Variants in SDK1 observed in about 807,000 individuals in gnomAD.
SDK1 encodes sidekick cell adhesion molecule 1.
In SDK1, 157 loss-of-function variants were observed where a neutral mutation model predicts 245.5. The ratio of observed to expected loss-of-function variants is 0.64; its 90% confidence interval spans 0.56 to 0.73. The LOEUF (loss-of-function observed/expected upper bound fraction) is 0.73, where lower values mean the gene tolerates loss of function less well. Ranked by LOEUF, SDK1 falls within the 30% of genes least tolerant of loss-of-function variation. The probability of loss-of-function intolerance (pLI) is 0.00; values close to 1 mark genes in which losing one functional copy is unlikely to be tolerated. For synonymous variants in SDK1, 1,647 were observed against 1,278.5 expected, an observed-to-expected ratio of 1.29 and a Z score of -6.15; for missense variants, 3,583 against 3,002.3, an observed-to-expected ratio of 1.19 and a Z score of -4.52.
intron 35 of SDK1, among the ~76,000 whole-genome samples, chr7:4,191,922 C>A (rs1004557396): frequency 6.6e-6 from 1 of 152,240 alleles, no homozygotes; most frequent in African/African-American, 2.4e-5. Context: ...TGCACCAGAA[C>A]AGCAGATTTG....
At chr7:4,152,773 C>G (rs1240242161) in intron 30 of SDK1, among the ~76,000 whole-genome samples, 7 of 152,254 alleles carry the variant, frequency 4.6e-5, no homozygotes, top group Admixed American at 4.6e-4. Context: ...ATTTTACTTT[C>G]ACCAGTTGTG....
At chr7:4,001,790 C>T (rs1044056757) in intron 14 of SDK1, among the ~76,000 whole-genome samples, 5 of 152,216 alleles carry the variant, frequency 3.3e-5, no homozygotes, top group Non-Finnish European at 7.3e-5. Flanking sequence ...TCCCCCTGTT[C>T]TATGAAGTCT....
At chr7:4,083,299 C>G (rs1417952923) in intron 22 of SDK1, among the ~76,000 whole-genome samples, 1 of 151,988 alleles carries the variant, frequency 6.6e-6, no homozygotes, top group Non-Finnish European at 1.5e-5. Flanking sequence ...CACTCATCTG[C>G]TTCCTGTCAC....
chr7:3,469,333 A>T (rs893432212), intron 1 of SDK1, among the ~76,000 whole-genome samples: 1 of 152,198 alleles, frequency 6.6e-6, no homozygotes, highest in South Asian at 2.1e-4. Context: ...TGGGAGGCTG[A>T]GGCAGGAGGA....
chr7:3,627,504 G>A (rs1782157245), intron 2 of SDK1, among the ~76,000 whole-genome samples: 1 of 152,214 alleles, frequency 6.6e-6, no homozygotes, highest in Non-Finnish European at 1.5e-5. Flanking sequence ...ATTAGGAAGA[G>A]TCACTGCATG....
Position 3,624,348 on chromosome 7 carries a change from A to G in SDK1, c.458+5109A>G, listed in dbSNP as rs141045438. Among the ~76,000 whole-genome samples the G allele has an allele frequency of 4.5e-3, 683 of 152,222 alleles. 9 individuals carry two copies. Among genetic ancestry groups the G allele is most frequent in the African/African-American group, 0.015 (643 of 41,548 alleles). ...TCAAGTAGCTGGGACCATGGGACCC[A>G]CCAGCACACCTGGCTAAGTTTTCTA... On this transcript the variant is annotated intron_variant, in intron 2 of 44. Coordinates refer to ENST00000404826, the MANE Select transcript of SDK1 (RefSeq NM_152744.4).
chr7:4,206,398 C>T (rs1443964024), intron 36 of SDK1, among the ~76,000 whole-genome samples: 5 of 152,190 alleles, frequency 3.3e-5, no homozygotes, highest in Non-Finnish European at 7.3e-5. Flanking sequence ...CCCATCCCAG[C>T]TCCCCCCTTG....
At chr7:4,078,375 G>A (rs566312412) in intron 21 of SDK1, among the ~76,000 whole-genome samples, 1 of 152,146 alleles carries the variant, frequency 6.6e-6, no homozygotes, top group Non-Finnish European at 1.5e-5. Flanking sequence ...CTGAGAAATA[G>A]GAAAGAGTCC....
intron 4 of SDK1, among the ~76,000 whole-genome samples, chr7:3,685,150 A>C (rs1003103466): frequency 6.6e-6 from 1 of 152,190 alleles, no homozygotes; most frequent in African/African-American, 2.4e-5. Context: ...GTGAACCTCA[A>C]ATAGGATAAA....
intron 1 of SDK1, among the ~76,000 whole-genome samples, chr7:3,320,223 C>G (rs1290731436): frequency 6.6e-6 from 1 of 152,046 alleles, no homozygotes. Flanking sequence ...TTCTGGAGAC[C>G]TGAGTCTCAT....
intron 19 of SDK1, among the ~76,000 whole-genome samples, chr7:4,059,471 G>A (rs1779399710): frequency 6.6e-6 from 1 of 152,208 alleles, no homozygotes; most frequent in African/African-American, 2.4e-5. Context: ...TCTACAGGGA[G>A]AGACAGCAAT....
chr7:4,233,882 G>A (rs957774730), intron 41 of SDK1, among the ~76,000 whole-genome samples: 8 of 152,134 alleles, frequency 5.3e-5, no homozygotes, highest in South Asian at 2.1e-4. Context: ...GCTGTGCACC[G>A]GCAATTCCTA....
Position 4,160,204 on chromosome 7 carries a change from C to T in SDK1, c.4730-1582C>T, listed in dbSNP as rs142027413. The stretch of plus-strand genomic sequence containing the variant: ...TATAAATGCATTCATTTTAACGTTA[C>T]CTTTAACACAGTTGAGGTAATGTTT... On this transcript the variant is annotated intron_variant, in intron 31 of 44. Transcript: ENST00000404826. Among the ~76,000 whole-genome samples the T allele has an allele frequency of 6.4e-3, 967 of 152,282 alleles. 20 individuals are homozygous for T. Among genetic ancestry groups the T allele is most frequent in the African/African-American group, 0.021 (865 of 41,538 alleles).
intron 35 of SDK1, among the ~76,000 whole-genome samples, chr7:4,205,018 G>A (rs57554631): frequency 0.18 from 21,733 of 117,906 alleles, 2,114 homozygotes; most frequent in African/African-American, 0.29. Context: ...GCGCGGAGGT[G>A]CGGCCGCAAC....
chr7:3,513,380 C>T (rs1160056264), intron 1 of SDK1, among the ~76,000 whole-genome samples: 2 of 152,104 alleles, frequency 1.3e-5, no homozygotes, highest in African/African-American at 4.8e-5. Flanking sequence ...AGTTGATTTA[C>T]AGTGTTAACA....
intron 1 of SDK1, among the ~76,000 whole-genome samples, chr7:3,512,955 A>T (rs373065724): frequency 6.6e-6 from 1 of 152,314 alleles, no homozygotes; most frequent in Admixed American, 6.5e-5. Context: ...GCAAAATTAT[A>T]AACAATATTG....
At chr7:3,548,341 C>T (rs1266978522) in intron 1 of SDK1, among the ~76,000 whole-genome samples, 2 of 152,104 alleles carry the variant, frequency 1.3e-5, no homozygotes, top group African/African-American at 2.4e-5. Context: ...AATTATTGTT[C>T]TAAATGTTCT....
chr7:4,256,087 T>C (rs1787608430), intron 44 of SDK1, among the ~76,000 whole-genome samples: 1 of 151,942 alleles, frequency 6.6e-6, no homozygotes. Context: ...ACCCAGCTAA[T>C]TTTTGTATTT....
chr7:3,941,915 T>G (rs1207982752), intron 5 of SDK1, among the ~76,000 whole-genome samples: 1 of 150,706 alleles, frequency 6.6e-6, no homozygotes, highest in Non-Finnish European at 1.5e-5. Flanking sequence ...TTCTTTTTTT[T>G]TTTTTTTTTT....
Sources: allele counts gnomAD v4.1 joint callset (sites outside exome capture counted in the v4.1 genomes callset), GRCh38; gene constraint gnomAD v4.1.1; transcripts MANE v1.5; gene names NCBI Gene and HGNC (gene_info 2026-07-23, HGNC 2026-07-21).